The following CELF2 variants were observed in gnomAD, a reference collection of about 807,000 sequenced individuals.
CELF2 encodes CUGBP Elav-like family member 2.
CELF2 carries 8 observed loss-of-function variants against 62.6 expected under a neutral mutation model. The ratio of observed to expected loss-of-function variants is 0.13; its 90% CI spans 0.07 to 0.23. The LOEUF is 0.23. Among genes scored for constraint, CELF2 ranks in the 10% least tolerant of loss-of-function variants. The probability of loss-of-function intolerance (pLI) is 1.00; values close to 1 mark genes in which losing one functional copy is unlikely to be tolerated. For synonymous variants in CELF2, 258 were observed against 250.0 expected, an observed-to-expected ratio of 1.03 and a Z score of -0.30; for missense variants, 333 against 671.0, an observed-to-expected ratio of 0.50 and a Z score of 5.56.
At chr10:10,810,505 G>A (rs1202730513) in intron 1 of CELF2, among the ~76,000 whole-genome samples, 4 of 152,130 alleles carry the variant, frequency 2.6e-5, no homozygotes, top group Non-Finnish European at 4.4e-5. Flanking sequence ...AATGGGGGCA[G>A]CTGGCCTCAG....
chr10:10,497,824 A>G, the CELF2 span, among the ~76,000 whole-genome samples: 4 of 152,214 alleles, frequency 2.6e-5, no homozygotes. Context: ...TCAGTGAGAC[A>G]GGAAGCTGTG....
the CELF2 span, among the ~76,000 whole-genome samples, chr10:10,688,258 G>A: frequency 1.3e-5 from 2 of 152,326 alleles, no homozygotes; most frequent in African/African-American, 2.4e-5. Flanking sequence ...ATCTCACGTT[G>A]CAGAATCCTT....
the CELF2 span, among the ~76,000 whole-genome samples, chr10:10,660,649 A>T: frequency 6.6e-6 from 1 of 152,100 alleles, no homozygotes; most frequent in Non-Finnish European, 1.5e-5. Flanking sequence ...TTTTTTCTTT[A>T]TATTCCCTAG....
the CELF2 span, among the ~76,000 whole-genome samples, chr10:10,494,242 G>C: frequency 3.3e-5 from 5 of 152,198 alleles, no homozygotes; most frequent in Non-Finnish European, 5.9e-5. Context: ...GGGATGAAAA[G>C]GTAGCAGCCT....
At chr10:10,631,043 C>G in the CELF2 span, among the ~76,000 whole-genome samples, 1 of 152,072 alleles carries the variant, frequency 6.6e-6, no homozygotes, top group Non-Finnish European at 1.5e-5. Context: ...AACTATAGTG[C>G]GACGTTAAAA....
chr10:10,481,933 A>C, the CELF2 span, among the ~76,000 whole-genome samples: 3 of 152,220 alleles, frequency 2.0e-5, no homozygotes, highest in Admixed American at 2.0e-4. Context: ...CAATTTAGGC[A>C]AAAGTTATTT....
At chr10:11,301,325 C>T (rs1429849410) in intron 9 of CELF2, among the ~76,000 whole-genome samples, 3 of 151,512 alleles carry the variant, frequency 2.0e-5, no homozygotes, top group African/African-American at 7.3e-5. Flanking sequence ...GAATAAGAAG[C>T]CCACTGGAGC....
intron 1 of CELF2, among the ~76,000 whole-genome samples, chr10:10,853,432 G>T (rs1288921516): frequency 1.3e-5 from 2 of 152,054 alleles, no homozygotes; most frequent in East Asian, 3.9e-4. Context: ...AAGATCTGGG[G>T]AATTCAGAGA....
chr10:11,232,162 GC>G (rs1451335022), intron 3 of CELF2, among the ~76,000 whole-genome samples: 3 of 151,832 alleles, frequency 2.0e-5, no homozygotes, highest in African/African-American at 7.3e-5. Flanking sequence ...CCCACAACAG[GC>G]CCCGGTGTGT....
the CELF2 span, among the ~76,000 whole-genome samples, chr10:10,554,023 T>G: frequency 2.0e-5 from 3 of 152,048 alleles, no homozygotes; most frequent in Admixed American, 6.6e-5. Context: ...GACTGGAAAG[T>G]GGCAGGAATA....
At chr10:10,530,501 T>G in the CELF2 span, among the ~76,000 whole-genome samples, 1 of 152,186 alleles carries the variant, frequency 6.6e-6, no homozygotes, top group African/African-American at 2.4e-5. Context: ...TGCCTAACTT[T>G]CTGGGAACAC....
chr10:10,825,720 A>T (rs879576509), intron 1 of CELF2, among the ~76,000 whole-genome samples: 6 of 152,164 alleles, frequency 3.9e-5, no homozygotes, highest in African/African-American at 1.2e-4. Context: ...AGCAGCAAAG[A>T]GTCCTGAGCC....
chr10:10,466,980 A>G, the CELF2 span, among the ~76,000 whole-genome samples: 1 of 151,956 alleles, frequency 6.6e-6, no homozygotes, highest in Admixed American at 6.6e-5. Flanking sequence ...TCCTCCCAGT[A>G]TGTGACTTTC....
chr10:10,777,972 A>G, the CELF2 span, among the ~76,000 whole-genome samples: 5 of 152,146 alleles, frequency 3.3e-5, no homozygotes, highest in African/African-American at 1.2e-4. Context: ...TTCAGGTCTC[A>G]TTCTAGAGTT....
upstream of CELF2, chr10:11,017,843 T>C (rs950034074): frequency 1.1e-5 from 7 of 613,048 alleles, no homozygotes; most frequent in African/African-American, 8.0e-5. This position sits in a 1 kb window ranked among gnomAD's most constrained non-coding sequence, Gnocchi z 5.5. Context: ...CCGCAGGGGT[T>C]AAGCGGCGGC....
At chr10:10,950,929 G>A (rs1338439535) in intron 2 of CELF2, among the ~76,000 whole-genome samples, 1 of 152,200 alleles carries the variant, frequency 6.6e-6, no homozygotes, top group African/African-American at 2.4e-5. Context: ...TCAAAGTTAA[G>A]AACAGTCAGA....
chr10:10,565,236 T>C, the CELF2 span, among the ~76,000 whole-genome samples: 1 of 152,190 alleles, frequency 6.6e-6, no homozygotes, highest in Non-Finnish European at 1.5e-5. Context: ...ACTGAACAAG[T>C]CCCTTGCAGC....
chr10:10,669,252 A>G, the CELF2 span, among the ~76,000 whole-genome samples: 1 of 152,232 alleles, frequency 6.6e-6, no homozygotes, highest in Non-Finnish European at 1.5e-5. Flanking sequence ...CAGCCAAAAC[A>G]TCTGAAAGAT....
the CELF2 span, among the ~76,000 whole-genome samples, chr10:10,598,525 T>C: frequency 1.3e-5 from 2 of 152,186 alleles, no homozygotes; most frequent in Non-Finnish European, 2.9e-5. Flanking sequence ...GAACTCATAG[T>C]GCATTGGTTA....
Sources: gnomAD v4.1 joint callset for allele counts (sites outside exome capture counted in the v4.1 genomes callset) on GRCh38, gnomAD v4.1.1 for gene constraint, Gnocchi (gnomAD v3.1) non-coding constraint, MANE v1.5 for transcripts, NCBI Gene and HGNC (gene_info 2026-07-23, HGNC 2026-07-21) for gene names.